Variants in GTF3C3 observed in about 807,000 individuals in gnomAD.
GTF3C3 encodes the protein general transcription factor 3C polypeptide 3.
GTF3C3 carries 75 observed loss-of-function variants against 105.2 expected under a neutral mutation model. The observed-to-expected ratio is 0.71, with a 90% CI of 0.59 to 0.86. The LOEUF is 0.86. GTF3C3 is among the 40% of genes least tolerant of loss of function. The pLI is 0.00. For synonymous variants in GTF3C3, 335 were observed against 370.4 expected, an observed-to-expected ratio of 0.90 and a Z score of 1.10; for missense variants, 856 against 1,076.5, an observed-to-expected ratio of 0.80 and a Z score of 2.87.
chr2:196,784,937 A>T lies in GTF3C3; in HGVS notation c.1042-8T>A. 6.4e-7 allele frequency: 1 copy of T among 1,554,756 alleles called. No individual in the cohort carries two copies. Among genetic ancestry groups the T allele is most frequent in the Non-Finnish European group, 8.9e-7 (1 of 1,128,878 alleles). ...AGAAAAATCTGTAATTATCTAAAAG[A>T]ATGGGAAAGAAGAAAGGAAATAAAA... On this transcript the variant is annotated splice_polypyrimidine_tract_variant and splice_region_variant and intron_variant, in intron 7 of 17. Transcript: ENST00000263956.
chr2:196,798,587 A>C (rs766656200), intron 1 of GTF3C3, among the ~76,000 whole-genome samples: 1 of 151,534 alleles, frequency 6.6e-6, no homozygotes, highest in Non-Finnish European at 1.5e-5. Context: ...ATTATTAAAG[A>C]ATCTGCCGGC....
intron 4 of GTF3C3, among the ~76,000 whole-genome samples, chr2:196,790,999 T>C (rs975813262): frequency 6.6e-6 from 1 of 151,938 alleles, no homozygotes; most frequent in East Asian, 1.9e-4. Context: ...AGTAACATAA[T>C]CTAGTACTGC....
At chr2:196,790,949 T>C (rs1374948271) in intron 4 of GTF3C3, among the ~76,000 whole-genome samples, 1 of 152,026 alleles carries the variant, frequency 6.6e-6, no homozygotes, top group Non-Finnish European at 1.5e-5. Context: ...AACTGAGAGA[T>C]AAGATGACAA....
chr2:196,795,003 A>G (rs1699616319), intron 2 of GTF3C3, among the ~76,000 whole-genome samples: 1 of 152,050 alleles, frequency 6.6e-6, no homozygotes, highest in Non-Finnish European at 1.5e-5. Context: ...TACTGGGATT[A>G]CATGCGTAAG....
At chr2:196,785,402 C>T (rs1699438269) in intron 7 of GTF3C3, 39 bp downstream of exon 7, 10 of 1,283,762 alleles carry the variant, frequency 7.8e-6, no homozygotes, top group South Asian at 1.9e-5. Context: ...CACAGAAACA[C>T]ATGCAAAACT....
Position 196,773,151 on chromosome 2 carries a change from T to C in GTF3C3, c.1834A>G (p.Ile612Val), listed in dbSNP as rs1254282727. 1.3e-6 allele frequency: 2 copies of C among 1,578,128 alleles called. No homozygotes were observed. The highest frequency in any genetic ancestry group is 1.1e-5 in the South Asian group (1 of 87,550). Residue 612 changes from isoleucine (I) to valine (V), a missense_variant and splice_region_variant, in exon 14 of 18, where the codon ATA (isoleucine) becomes GTA (valine). By Grantham distance (29) the Ile-to-Val change is conservative. Transcript: ENST00000263956. ...QESANCDAKAIFAVLTSVLTK... is the reference protein window; with the variant it reads ...QESANCDAKAVFAVLTSVLTK... ...AAGACGCTTGTGAGCACAGCAAATA[T>C]TGCTAAAATGAGACCAATGAAAACC...
At chr2:196,780,495 C>A in intron 9 of GTF3C3, 64 bp downstream of exon 9, 1 of 1,543,050 alleles carries the variant, frequency 6.5e-7, no homozygotes. Flanking sequence ...AATTTCTTGA[C>A]ATCTAAAGAA....
At chr2:196,791,662 A>C (rs1488566549) in intron 3 of GTF3C3, 17 of 447,534 alleles carry the variant, frequency 3.8e-5, no homozygotes, top group Non-Finnish European at 6.0e-5. Flanking sequence ...TTGGCCATAC[A>C]TGGTGACTCA....
intron 9 of GTF3C3, 45 bp downstream of exon 9, chr2:196,780,514 G>A: frequency 6.3e-7 from 1 of 1,584,540 alleles, no homozygotes; most frequent in South Asian, 1.2e-5. Flanking sequence ...AAAAGAGATG[G>A]TGCATTTGAT....
chr2:196,789,234 C>T lies in GTF3C3; in HGVS notation c.863G>A (p.Arg288His), dbSNP rs1395604966. The T allele has an allele frequency of 5.6e-6, 9 of 1,611,404 alleles. No individual in the cohort carries two copies. Among genetic ancestry groups the T allele is most frequent in the Middle Eastern group, 1.7e-4 (1 of 6,044 alleles). ...LNLLSPSDGE[R>H]FMQLARDMAK... ...CATATCTCTAGCCAGCTGCATAAAA[C>T]GTTCGCCATCAGATGGAGACAAAAG... is the stretch of plus-strand genomic sequence containing the variant. Residue 288 changes from arginine to histidine, a missense_variant, in exon 6 of 18, where the codon CGT becomes CAT. Physicochemically the swap from Arg to His is conservative, Grantham distance 29 (BLOSUM62 0). This residue lies in a region of GTF3C3 where 605 missense variants were observed against 833.6 expected (regional missense o/e 0.73). Coordinates refer to ENST00000263956, the MANE Select transcript of GTF3C3 (RefSeq NM_012086.5).
At chr2:196,764,757 T>TCA in intron 17 of GTF3C3, 72 bp from the exon 18 acceptor site, 2 of 1,377,998 alleles carry the variant, frequency 1.5e-6, no homozygotes, top group South Asian at 2.6e-5. Context: ...GGCAAATTAA[T>TCA]AGTTTTATAA....
intron 15 of GTF3C3, among the ~76,000 whole-genome samples, chr2:196,770,397 T>G (rs1559297660): frequency 6.6e-6 from 1 of 152,194 alleles, no homozygotes; most frequent in African/African-American, 2.4e-5. Flanking sequence ...GAGGTGTGTT[T>G]TGGTGAACAT....
At chr2:196,771,359 A>C (rs2125739921) in intron 15 of GTF3C3, among the ~76,000 whole-genome samples, 1 of 150,372 alleles carries the variant, frequency 6.7e-6, no homozygotes, top group Non-Finnish European at 1.5e-5. Context: ...ATTAATGAAA[A>C]TCATTTTAAA....
Position 196,776,390 on chromosome 2 carries a change from TACC to T in GTF3C3, c.1593+34_1593+36del. On this transcript the variant is annotated intron_variant, in intron 11 of 17. Coordinates refer to ENST00000263956, the MANE Select transcript of GTF3C3 (RefSeq NM_012086.5). The surrounding 1 kb of genome is among the most constrained non-coding windows in gnomAD (Gnocchi z 4.5). ...GAGGAGAAAGTTCTAAAATATAATA[TACC>T]AAGAAAAACTTCCCTCTATGTGACA... is the stretch of plus-strand genomic sequence containing the variant. The T allele has an allele frequency of 1.3e-6, 2 of 1,528,184 alleles. No homozygotes were observed. Among genetic ancestry groups the T allele is most frequent in the Non-Finnish European group, 1.8e-6 (2 of 1,106,406 alleles). The allele number at this position is 1,528,184 out of a possible 1,614,324, so 94.7% of individuals were successfully genotyped here.
At chr2:196,772,349 G>C (rs953186959) in intron 14 of GTF3C3, among the ~76,000 whole-genome samples, 1 of 152,120 alleles carries the variant, frequency 6.6e-6, no homozygotes, top group Non-Finnish European at 1.5e-5. Flanking sequence ...GGGAGTTGGA[G>C]ACCAGCCTGA....
In GTF3C3 at chr2:196,769,917, G is replaced by A. The variant is rs771518921; in HGVS notation, c.2383C>T (p.Gln795Ter). 6.2e-7 allele frequency: 1 copy of A among 1,605,816 alleles called. No homozygotes were observed. The highest frequency in any genetic ancestry group is 8.5e-7 in the Non-Finnish European group (1 of 1,174,180). Residue 795 changes from glutamine (Q) to a stop codon, truncating the protein, a stop_gained and splice_region_variant, in exon 16 of 18, where the codon CAG (glutamine) becomes TAG (stop). Transcript: ENST00000263956. LOFTEE classifies it high-confidence loss of function. ...YVLRRHALIV[Q>*]GFSFLNRYLS... ...AACGAGAAATTTGAATGAATTACCT[G>A]TACAATAAGAGCATGTCTCCGTAAC...
In GTF3C3 at chr2:196,789,868, A is replaced by T. The variant is rs576341456; in HGVS notation, c.727+11T>A. On this transcript the variant is annotated intron_variant, in intron 5 of 17. Transcript: ENST00000263956. ...CTTGTAAAAGTGAAAAAAAAAAAAA[A>T]TTTTAATTACCTTTTGTATAGCAAA... The T allele has an allele frequency of 2.2e-4, 334 of 1,511,332 alleles. 1 individual carries two copies. Among genetic ancestry groups the T allele is most frequent in the East Asian group, 9.3e-4 (40 of 43,004 alleles). The allele number at this position is 1,511,332 out of a possible 1,614,324, so 93.6% of individuals were successfully genotyped here.
In GTF3C3 at chr2:196,799,511, T is replaced by A. The variant is rs571310750; in HGVS notation, c.101A>T (p.Lys34Ile). The change falls in exon 1 of 18, where the codon AAA (lysine) becomes ATA (isoleucine). Residue 34 changes from lysine to isoleucine, a missense_variant and splice_region_variant. This residue lies in a region of GTF3C3 where 117 missense variants were observed against 114.0 expected (regional missense o/e 1.03). Coordinates refer to ENST00000263956, the MANE Select transcript of GTF3C3 (RefSeq NM_012086.5). Reference sequence around the variant, plus strand: ...CACCGTGGCCTAGCATCGCCTCACTTTCTTCTCGCGGGTTTTTCTCTCTTC... The same window carrying A: ...CACCGTGGCCTAGCATCGCCTCACTATCTTCTCGCGGGTTTTTCTCTCTTC... ...RREERKTREK[K>I]SLQEKGKLSA... 1.2e-6 allele frequency: 2 copies of A among 1,612,946 alleles called. No individual in the cohort carries two copies. Among genetic ancestry groups the A allele is most frequent in the African/African-American group, 2.7e-5 (2 of 74,890 alleles).
intron 8 of GTF3C3, among the ~76,000 whole-genome samples, chr2:196,781,277 G>T (rs1429400937): frequency 1.4e-5 from 2 of 142,478 alleles, no homozygotes; most frequent in African/African-American, 2.6e-5. Flanking sequence ...AATTATGACA[G>T]TCTTCCATAC....
Sources: gnomAD v4.1 joint callset for allele counts (sites outside exome capture counted in the v4.1 genomes callset) on GRCh38, gnomAD v4.1.1 for gene constraint, gnomAD v4.1.1 regional missense constraint, Gnocchi (gnomAD v3.1) non-coding constraint, MANE v1.5 for transcripts, NCBI Gene and HGNC (gene_info 2026-07-23, HGNC 2026-07-21) for gene names.